CNKSR3: variants seen among roughly 807,000 people sequenced by gnomAD.
The protein encoded by CNKSR3 is CNKSR family member 3, also known as connector enhancer of kinase suppressor of ras 3.
Under a neutral mutation model 67.7 loss-of-function variants are expected in CNKSR3, and 36 were observed. That is an observed-to-expected ratio of 0.53 (90% CI 0.41 to 0.70). The LOEUF is 0.70. CNKSR3 is among the 30% of genes least tolerant of loss of function. CNKSR3 has a pLI of 0.00. For synonymous variants in CNKSR3, 281 were observed against 271.4 expected (o/e 1.04, Z -0.35); for missense variants, 630 against 695.2 (o/e 0.91, Z 1.05).
chr6:154,503,247 G>T (rs1787033505), intron 1 of CNKSR3, among the ~76,000 whole-genome samples: 1 of 152,130 alleles, frequency 6.6e-6, no homozygotes, highest in African/African-American at 2.4e-5. Flanking sequence ...TGAGGATCCT[G>T]AGAACAAACT....
At chr6:154,494,189 G>A (rs538876496) in intron 1 of CNKSR3, among the ~76,000 whole-genome samples, 7 of 152,302 alleles carry the variant, frequency 4.6e-5, no homozygotes, top group South Asian at 4.1e-4. Flanking sequence ...ACTTACAATC[G>A]TGGTGGAAGA....
At chr6:154,495,771 C>T (rs1003021780) in intron 1 of CNKSR3, among the ~76,000 whole-genome samples, 1 of 152,050 alleles carries the variant, frequency 6.6e-6, no homozygotes, top group Non-Finnish European at 1.5e-5. Context: ...GTATTCAGAC[C>T]CTGCCAGGGC....
intron 1 of CNKSR3, among the ~76,000 whole-genome samples, chr6:154,492,373 A>G (rs1409270306): frequency 6.6e-6 from 1 of 152,070 alleles, no homozygotes; most frequent in Non-Finnish European, 1.5e-5. Flanking sequence ...TCTGCACCCC[A>G]ATGGCCAGCA....
At chr6:154,455,107 G>T (rs56313690) in intron 1 of CNKSR3, among the ~76,000 whole-genome samples, 1 of 71,108 alleles carries the variant, frequency 1.4e-5, no homozygotes, top group East Asian at 8.4e-4. Flanking sequence ...TCAGGAGTTC[G>T]AGACGAGGCC....
intron 8 of CNKSR3, 46 bp from the exon 9 acceptor site, chr6:154,422,698 G>GA (rs762361337): frequency 1.9e-6 from 3 of 1,594,366 alleles, no homozygotes; most frequent in Admixed American, 1.7e-5. Flanking sequence ...CATGAATAAC[G>GA]AAAAAAACCG....
At chr6:154,419,552 A>G (rs1270130605) in intron 9 of CNKSR3, among the ~76,000 whole-genome samples, 1 of 152,190 alleles carries the variant, frequency 6.6e-6, no homozygotes, top group East Asian at 1.9e-4. Context: ...GGCTGGTGGG[A>G]ATGTAAATTA....
At chr6:154,471,318 G>C (rs112243223) in intron 1 of CNKSR3, among the ~76,000 whole-genome samples, 1 of 152,088 alleles carries the variant, frequency 6.6e-6, no homozygotes, top group Admixed American at 6.6e-5. Flanking sequence ...CAGGCAGATC[G>C]CTTGAGGTCA....
chr6:154,503,806 A>G (rs1171794272), intron 1 of CNKSR3, among the ~76,000 whole-genome samples: 1 of 152,212 alleles, frequency 6.6e-6, no homozygotes, highest in African/African-American at 2.4e-5. Context: ...AATTAGTGGC[A>G]AAGACAAGCC....
chr6:154,429,692 C>T (rs1265844261), intron 6 of CNKSR3, among the ~76,000 whole-genome samples: 2 of 152,146 alleles, frequency 1.3e-5, no homozygotes, highest in East Asian at 1.9e-4. Flanking sequence ...GCTACCTATA[C>T]ATTAGATACT....
chr6:154,416,685 G>T lies in CNKSR3; in HGVS notation c.946-2262C>A, dbSNP rs964829614. Among the ~76,000 whole-genome samples the T allele has an allele frequency of 5.3e-5, 8 of 152,292 alleles. No individual in the cohort carries two copies. In the South Asian group the frequency reaches 1.7e-3, roughly 32 times the overall value. On this transcript the variant is annotated intron_variant, in intron 9 of 12. Coordinates refer to ENST00000607772, the MANE Select transcript of CNKSR3 (RefSeq NM_173515.4). ...GAGCTCTCTTCTGAGAAGGGTGGGT[G>T]CCCAGGTACAAAGAATAATGAAGAA...
At chr6:154,481,294 A>G (rs1786562229) in intron 1 of CNKSR3, among the ~76,000 whole-genome samples, 1 of 137,152 alleles carries the variant, frequency 7.3e-6, no homozygotes, top group South Asian at 2.3e-4. Context: ...TGCTTATTTG[A>G]TATTTATTTA....
In CNKSR3 at chr6:154,388,506, T is replaced by C. The variant is rs1350625381; in HGVS notation, c.*17848A>G. The stretch of plus-strand genomic sequence containing the variant: ...CTAATACCTCTTTGGGATCCTGATT[T>C]CAATTTTTTTGGATAAATATCCAGA... On this transcript the variant is annotated 3_prime_UTR_variant, in exon 13 of 13. Transcript: ENST00000607772. 1 of 152,244 alleles carries C rather than the reference T, an allele frequency of 6.6e-6. No individual in the cohort carries two copies. Among genetic ancestry groups the C allele is most frequent in the Non-Finnish European group, 1.5e-5 (1 of 68,038 alleles). The allele number at this position is 152,244 out of a possible 1,614,324, so 9.4% of individuals were successfully genotyped here.
In CNKSR3 at chr6:154,489,876, C is replaced by T. The variant is rs141612820; in HGVS notation, c.52+20187G>A. Among the ~76,000 whole-genome samples the T allele has an allele frequency of 4.6e-3, 703 of 152,280 alleles. 4 individuals are homozygous for T. The highest frequency in any genetic ancestry group is 0.014 in the Middle Eastern group (4 of 294). On this transcript the variant is annotated intron_variant, in intron 1 of 12. Coordinates refer to ENST00000607772, the MANE Select transcript of CNKSR3 (RefSeq NM_173515.4). The stretch of plus-strand genomic sequence containing the variant: ...CTAATCGTTCATCAGCAAGGGGCAG[C>T]AGATCACAGGTGATAACACAGAAAA...
rs1784655328 is a variant in CNKSR3 at position 154,395,787 on chromosome 6, T to G, written c.*10567A>C. The G allele has an allele frequency of 6.6e-6, 1 of 152,410 alleles. No homozygotes were observed. Among genetic ancestry groups the G allele is most frequent in the Non-Finnish European group, 1.5e-5 (1 of 68,258 alleles). The allele number at this position is 152,410 out of a possible 1,614,324, so 9.4% of individuals were successfully genotyped here. On this transcript the variant is annotated 3_prime_UTR_variant, in exon 13 of 13. Transcript: ENST00000607772. ...GTCTCACTCTGTCACCAGGCTGGAG[T>G]GCAGTGGTGCAATCTGGGCTTACTG...
At chr6:154,455,358 G>A (rs1433176835) in intron 1 of CNKSR3, among the ~76,000 whole-genome samples, 1 of 152,088 alleles carries the variant, frequency 6.6e-6, no homozygotes, top group Non-Finnish European at 1.5e-5. Flanking sequence ...CCACTGGTGT[G>A]GAGAACATTG....
intron 1 of CNKSR3, among the ~76,000 whole-genome samples, chr6:154,492,181 C>CT (rs779755728): frequency 6.6e-6 from 1 of 152,192 alleles, no homozygotes; most frequent in Non-Finnish European, 1.5e-5. Flanking sequence ...ACCTCCTTCG[C>CT]TTGCCTCTGG....
chr6:154,474,407 C>T (rs1374517112), intron 1 of CNKSR3, among the ~76,000 whole-genome samples: 5 of 119,040 alleles, frequency 4.2e-5, no homozygotes, highest in East Asian at 2.6e-4. Context: ...AGCAAGACTC[C>T]GTCTCAAAAA....
At position 154,441,242 on chromosome 6, in the gene CNKSR3, C is replaced by CAA. The variant is rs34887626; in HGVS notation, c.507+48_507+49dup. 2,920 of 844,118 alleles carry CAA rather than the reference C, an allele frequency of 3.5e-3. 4 individuals are homozygous for CAA. Among genetic ancestry groups the CAA allele is most frequent in the Non-Finnish European group, 3.9e-3 (2,218 of 569,014 alleles). 52.3% of individuals were successfully genotyped at this position (844,118 alleles called of 1,614,324 possible). On this transcript the variant is annotated intron_variant, in intron 4 of 12. Coordinates refer to ENST00000607772, the MANE Select transcript of CNKSR3 (RefSeq NM_173515.4). Reference sequence around the variant, plus strand: ...AAAATCCTTTCAAGAAGAGGAAAAGCAAAAAAAAAAAAAAAAAAAAAAAGA... The same window carrying CAA: ...AAAATCCTTTCAAGAAGAGGAAAAGCAAAAAAAAAAAAAAAAAAAAAAAAAGA...
rs568137199 is a variant in CNKSR3, at chr6:154,388,070, C to G, written c.*18284G>C. 6.6e-6 allele frequency: 1 copy of G among 151,952 alleles called. No individual in the cohort carries two copies. Among genetic ancestry groups the G allele is most frequent in the East Asian group, 1.9e-4 (1 of 5,170 alleles). 9.4% of individuals were successfully genotyped at this position (151,952 alleles called of 1,614,324 possible). Reference sequence around the variant, plus strand: ...ATCTTAACAAATTGTTCAGTGTACACTGCAGTATTGTTGACTATAGGTGCA... The same window carrying G: ...ATCTTAACAAATTGTTCAGTGTACAGTGCAGTATTGTTGACTATAGGTGCA... On this transcript the variant is annotated 3_prime_UTR_variant, in exon 13 of 13. Transcript: ENST00000607772.
Sources: allele counts gnomAD v4.1 joint callset (sites outside exome capture counted in the v4.1 genomes callset), GRCh38; gene constraint gnomAD v4.1.1; transcripts MANE v1.5; gene names NCBI Gene and HGNC (gene_info 2026-07-23, HGNC 2026-07-21).